RTN1: variants seen among roughly 807,000 people sequenced by gnomAD.
The protein encoded by RTN1 is reticulon-1.
Under a neutral mutation model 65.5 loss-of-function variants are expected in RTN1, and 25 were observed. The ratio of observed to expected loss-of-function variants is 0.38; its 90% CI spans 0.28 to 0.53. The LOEUF (loss-of-function observed/expected upper bound fraction) is 0.53. Ranked by LOEUF, RTN1 falls within the 20% of genes least tolerant of loss-of-function variation. The probability of loss-of-function intolerance (pLI) is 0.79; values close to 1 mark genes in which losing one functional copy is unlikely to be tolerated. For missense variants in RTN1, 983 were observed against 1,025.4 expected (o/e 0.96, Z 0.57); for synonymous variants, 471 against 447.6 (o/e 1.05, Z -0.66).
chr14:59,740,363 C>T (rs931670056), intron 2 of RTN1, among the ~76,000 whole-genome samples: 2 of 152,210 alleles, frequency 1.3e-5, no homozygotes, highest in Admixed American at 6.5e-5. Flanking sequence ...GTGATTCTAA[C>T]AGTCACCTCC....
intron 1 of RTN1, among the ~76,000 whole-genome samples, chr14:59,850,280 T>C (rs1887481233): frequency 6.6e-6 from 1 of 152,248 alleles, no homozygotes; most frequent in Non-Finnish European, 1.5e-5. Flanking sequence ...TCTCAAACAT[T>C]ATAGCTTAGC....
intron 3 of RTN1, among the ~76,000 whole-genome samples, chr14:59,674,644 C>T (rs558230402): frequency 3.5e-4 from 54 of 152,222 alleles, no homozygotes; most frequent in Non-Finnish European, 6.0e-4. Flanking sequence ...AAAGGCTGTA[C>T]GTGTGTGCCC....
rs146213616 is a variant in RTN1 at position 59,666,962 on chromosome 14, C to CAA, written c.1766-59472_1766-59471dup. On this transcript the variant is annotated intron_variant, in intron 3 of 8. Coordinates refer to ENST00000267484, the MANE Select transcript of RTN1 (RefSeq NM_021136.3). Reference sequence around the variant, plus strand: ...AGGCAGTAATTAATAGCCGACCAACCAAAAAAAAAAAAAAAAAAAAAAAAA... The same window carrying CAA: ...AGGCAGTAATTAATAGCCGACCAACCAAAAAAAAAAAAAAAAAAAAAAAAAAA... 5.1e-3 allele frequency among the ~76,000 whole-genome samples: 304 copies of CAA among 60,108 alleles called. 2 individuals are homozygous for CAA. Among genetic ancestry groups the CAA allele is most frequent in the African/African-American group, 8.8e-3 (131 of 14,932 alleles). 39.4% of individuals were successfully genotyped at this position (60,108 alleles called of 152,430 possible).
At chr14:59,656,186 G>C (rs887591115) in intron 3 of RTN1, among the ~76,000 whole-genome samples, 1 of 152,050 alleles carries the variant, frequency 6.6e-6, no homozygotes, top group African/African-American at 2.4e-5. Flanking sequence ...AGTTTATAAA[G>C]ATGGAAAGCA....
chr14:59,651,941 A>C (rs941133272), intron 3 of RTN1, among the ~76,000 whole-genome samples: 1 of 152,194 alleles, frequency 6.6e-6, no homozygotes, highest in Non-Finnish European at 1.5e-5. Flanking sequence ...CAAACTATGC[A>C]TCAAAGGTCT....
At chr14:59,741,217 T>A (rs1029152290) in intron 2 of RTN1, among the ~76,000 whole-genome samples, 1 of 152,132 alleles carries the variant, frequency 6.6e-6, no homozygotes, top group African/African-American at 2.4e-5. Context: ...AGACAAGGCA[T>A]TCCCAGCTCA....
chr14:59,870,441 C>T lies in RTN1; in HGVS notation c.190G>A (p.Gly64Ser). The change falls in exon 1 of 9, where the codon GGC (glycine) becomes AGC (serine). Residue 64 changes from glycine to serine, a missense_variant. Physicochemically the swap from Gly to Ser is moderately conservative, Grantham distance 56. Around this residue, in one of 2 missense-constraint regions of RTN1, gnomAD observed 818 missense variants for 801.8 expected, o/e 1.02. Transcript: ENST00000267484. The surrounding 1 kb of genome is among the most constrained non-coding windows in gnomAD (Gnocchi z 5.1). ...GGCGACTGCCGGGCGGGGCCCGAGC[C>T]GGCTTCCCGCGACGCCGCTTCCCGG... ...RAREAASREA[G>S]SGPARQSPVA... 1 of 1,513,888 alleles carries T rather than the reference C, an allele frequency of 6.6e-7. No homozygotes were observed. The highest frequency in any genetic ancestry group is 8.8e-7 in the Non-Finnish European group (1 of 1,142,340). 93.8% of individuals were successfully genotyped at this position (1,513,888 alleles called of 1,614,324 possible). A position where few individuals can be genotyped will look rare whatever the true frequency, so the allele number is the denominator to read the frequency against.
chr14:59,796,992 T>C (rs1285053260), intron 1 of RTN1, among the ~76,000 whole-genome samples: 2 of 152,196 alleles, frequency 1.3e-5, no homozygotes, highest in Admixed American at 1.3e-4. Context: ...AGGTTATATA[T>C]GAACTCAATT....
intron 1 of RTN1, among the ~76,000 whole-genome samples, chr14:59,798,299 G>T (rs2139597409): frequency 6.6e-6 from 1 of 152,192 alleles, no homozygotes; most frequent in East Asian, 1.9e-4. Context: ...ATGAATTTGG[G>T]CAAGTTATAT....
At chr14:59,617,141 C>A (rs931607143) in intron 3 of RTN1, among the ~76,000 whole-genome samples, 1 of 152,202 alleles carries the variant, frequency 6.6e-6, no homozygotes, top group Non-Finnish European at 1.5e-5. Flanking sequence ...TGAAATGGCA[C>A]GCTTCCTTTA....
At chr14:59,711,288 A>G (rs1212411591) in intron 3 of RTN1, among the ~76,000 whole-genome samples, 2 of 152,228 alleles carry the variant, frequency 1.3e-5, no homozygotes, top group African/African-American at 4.8e-5. Context: ...CTGCTTTGCC[A>G]ACTCAAGTCT....
In RTN1 at chr14:59,820,356, GTTTTTTTTTT is replaced by G. The variant is rs34274539; in HGVS notation, c.241+50024_241+50033del. Among the ~76,000 whole-genome samples, 2 of 79,330 alleles carry G rather than the reference GTTTTTTTTTT, an allele frequency of 2.5e-5. 1 individual carries two copies. Among genetic ancestry groups the G allele is most frequent in the Non-Finnish European group, 5.0e-5 (2 of 40,268 alleles). The allele number at this position is 79,330 out of a possible 152,430, so 52.0% of individuals were successfully genotyped here. ...TCTGTAGGCTGTCTGCTTATTGATA[GTTTTTTTTTT>G]TTTTTTTTTTTTTGCTGTGCAGAAG... On this transcript the variant is annotated intron_variant, in intron 1 of 8. Transcript: ENST00000267484.
At chr14:59,783,467 GA>G (rs1393038380) in intron 1 of RTN1, among the ~76,000 whole-genome samples, 1 of 152,152 alleles carries the variant, frequency 6.6e-6, no homozygotes, top group African/African-American at 2.4e-5. Context: ...TGGGAAAGTG[GA>G]AACGTGGGAG....
chr14:59,724,064 A>G (rs1429131163), intron 3 of RTN1, among the ~76,000 whole-genome samples: 1 of 152,246 alleles, frequency 6.6e-6, no homozygotes, highest in Non-Finnish European at 1.5e-5. Flanking sequence ...TCTTGTAGAA[A>G]GGAAAACATA....
At chr14:59,844,018 C>T (rs1429133552) in intron 1 of RTN1, among the ~76,000 whole-genome samples, 1 of 152,150 alleles carries the variant, frequency 6.6e-6, no homozygotes, top group Non-Finnish European at 1.5e-5. Flanking sequence ...TTGAGAATCT[C>T]GGCATTCTCT....
intron 3 of RTN1, among the ~76,000 whole-genome samples, chr14:59,672,922 G>A (rs1042026129): frequency 2.0e-5 from 3 of 151,472 alleles, no homozygotes; most frequent in Admixed American, 1.3e-4. Flanking sequence ...TTACAGGCGT[G>A]AGCCACCGCG....
intron 3 of RTN1, among the ~76,000 whole-genome samples, chr14:59,710,856 T>C (rs1048506020): frequency 6.6e-6 from 1 of 152,254 alleles, no homozygotes; most frequent in Non-Finnish European, 1.5e-5. Context: ...TTATAGAATG[T>C]GATAATTGCT....
At chr14:59,821,493 A>C (rs1228310460) in intron 1 of RTN1, among the ~76,000 whole-genome samples, 1 of 152,098 alleles carries the variant, frequency 6.6e-6, no homozygotes, top group Non-Finnish European at 1.5e-5. Context: ...CTCTCTTCCT[A>C]TTTGGATGTA....
At chr14:59,617,953 T>C (rs915719881) in intron 3 of RTN1, among the ~76,000 whole-genome samples, 1 of 152,184 alleles carries the variant, frequency 6.6e-6, no homozygotes, top group African/African-American at 2.4e-5. Context: ...CTTCACAGCC[T>C]ACTCCTTAAG....
Sources: gnomAD v4.1 joint callset for allele counts (sites outside exome capture counted in the v4.1 genomes callset) on GRCh38, gnomAD v4.1.1 for gene constraint, gnomAD v4.1.1 regional missense constraint, Gnocchi (gnomAD v3.1) non-coding constraint, MANE v1.5 for transcripts, NCBI Gene and HGNC (gene_info 2026-07-23, HGNC 2026-07-21) for gene names.